GAS2: variants seen among roughly 807,000 people sequenced by gnomAD.
The protein encoded by GAS2 is growth arrest-specific protein 2.
Under a neutral mutation model 37.5 loss-of-function variants are expected in GAS2, and 20 were observed. The ratio of observed to expected loss-of-function variants is 0.53; its 90% CI spans 0.37 to 0.77. GAS2 has a LOEUF of 0.77. GAS2 is among the 30% of genes least tolerant of loss of function. The probability of loss-of-function intolerance (pLI) is 0.00; values close to 1 mark genes in which losing one functional copy is unlikely to be tolerated. For missense variants in GAS2, 336 were observed against 373.4 expected, an observed-to-expected ratio of 0.90 and a Z score of 0.82; for synonymous variants, 144 against 132.2, an observed-to-expected ratio of 1.09 and a Z score of -0.61.
intron 1 of GAS2, among the ~76,000 whole-genome samples, chr11:22,658,507 C>T (rs1324706357): frequency 3.3e-5 from 5 of 152,156 alleles, no homozygotes. Context: ...CAACTTCTTC[C>T]CATCTTTCCC....
intron 1 of GAS2, among the ~76,000 whole-genome samples, chr11:22,647,750 G>A (rs1256036055): frequency 1.6e-4 from 25 of 152,116 alleles, no homozygotes; most frequent in African/African-American, 2.9e-4. Context: ...CATGTCCTTC[G>A]CCCACTTTTT....
intron 7 of GAS2, among the ~76,000 whole-genome samples, chr11:22,765,636 T>C (rs1206285337): frequency 2.6e-5 from 4 of 151,718 alleles, no homozygotes; most frequent in Non-Finnish European, 5.9e-5. Context: ...AAAATTAGCC[T>C]GGCGTGGTGG....
At chr11:22,775,184 G>GAGA (rs1254733285) in intron 7 of GAS2, among the ~76,000 whole-genome samples, 1 of 152,170 alleles carries the variant, frequency 6.6e-6, no homozygotes, top group Non-Finnish European at 1.5e-5. Flanking sequence ...TTTAGACGAG[G>GAGA]AGAAACATGA....
At chr11:22,671,871 G>A (rs1849216254) in intron 1 of GAS2, among the ~76,000 whole-genome samples, 1 of 152,078 alleles carries the variant, frequency 6.6e-6, no homozygotes, top group Admixed American at 6.5e-5. Flanking sequence ...CATGCTAGCT[G>A]AATCCATTTT....
chr11:22,678,231 A>G (rs563299135), intron 2 of GAS2, among the ~76,000 whole-genome samples: 3 of 152,282 alleles, frequency 2.0e-5, no homozygotes, highest in South Asian at 4.1e-4. Context: ...AGAAAAATGC[A>G]TTGTGTGCTA....
At chr11:22,686,677 G>A (rs541531893) in intron 3 of GAS2, among the ~76,000 whole-genome samples, 4 of 151,302 alleles carry the variant, frequency 2.6e-5, no homozygotes. Flanking sequence ...TTGAACCCAG[G>A]AAGTAAAGGT....
chr11:22,762,831 G>A (rs1050680632), intron 7 of GAS2, among the ~76,000 whole-genome samples: 14 of 152,104 alleles, frequency 9.2e-5, no homozygotes, highest in Non-Finnish European at 1.8e-4. Context: ...AAGACATATT[G>A]CTATCTGTCC....
chr11:22,691,943 G>A lies in GAS2; in HGVS notation c.267+6154G>A, dbSNP rs555221957. The stretch of plus-strand genomic sequence containing the variant: ...TATTCACCTCCAAATCAGAGACAAT[G>A]AAATGTCTTGCTTAATGTTTTTTGT... On this transcript the variant is annotated intron_variant, in intron 3 of 7. Transcript: ENST00000454584. Among the ~76,000 whole-genome samples, 18 of 152,230 alleles carry A rather than the reference G, an allele frequency of 1.2e-4. No individual in the cohort carries two copies. The South Asian group carries it at 3.7e-3, about 32-fold the overall frequency.
chr11:22,784,075 T>C (rs1271038470), intron 7 of GAS2, among the ~76,000 whole-genome samples: 1 of 152,132 alleles, frequency 6.6e-6, no homozygotes, highest in Non-Finnish European at 1.5e-5. Context: ...AGTTGGGTAA[T>C]ATGGTTCCTC....
At chr11:22,675,958 G>A (rs1849408131) in intron 2 of GAS2, among the ~76,000 whole-genome samples, 1 of 151,992 alleles carries the variant, frequency 6.6e-6, no homozygotes, top group Non-Finnish European at 1.5e-5. Context: ...ATTTTATCAG[G>A]GTTTTGCTTG....
At chr11:22,634,451 A>T (rs1172810650) in intron 1 of GAS2, among the ~76,000 whole-genome samples, 1 of 152,182 alleles carries the variant, frequency 6.6e-6, no homozygotes, top group Middle Eastern at 3.2e-3. Context: ...GTAGAGGCAC[A>T]AACTTTCTCC....
At chr11:22,701,249 T>A (rs899777468) in intron 3 of GAS2, among the ~76,000 whole-genome samples, 2 of 152,168 alleles carry the variant, frequency 1.3e-5, no homozygotes, top group Non-Finnish European at 2.9e-5. Context: ...TATCAATCTT[T>A]TATAATATTG....
intron 1 of GAS2, among the ~76,000 whole-genome samples, chr11:22,651,125 A>G (rs1259173905): frequency 1.3e-5 from 2 of 151,590 alleles, no homozygotes; most frequent in African/African-American, 4.8e-5. Context: ...TGGTGACAAA[A>G]TCTCTCAGCA....
At chr11:22,669,163 A>G (rs866820289) in intron 1 of GAS2, among the ~76,000 whole-genome samples, 4 of 152,236 alleles carry the variant, frequency 2.6e-5, no homozygotes, top group South Asian at 4.1e-4. Context: ...TAACTAAAAC[A>G]GAAATCTTTA....
intron 3 of GAS2, among the ~76,000 whole-genome samples, chr11:22,706,658 A>G (rs867548042): frequency 5.9e-5 from 9 of 152,352 alleles, no homozygotes; most frequent in African/African-American, 2.2e-4. Flanking sequence ...TACAAAGGAC[A>G]TGAACTCATC....
intron 5 of GAS2, among the ~76,000 whole-genome samples, chr11:22,744,381 C>G (rs1318167519): frequency 6.6e-6 from 1 of 152,010 alleles, no homozygotes; most frequent in Non-Finnish European, 1.5e-5. Flanking sequence ...CTGCTGAACA[C>G]AGGTGCAAAA....
chr11:22,631,596 A>G (rs1457662767), intron 1 of GAS2, among the ~76,000 whole-genome samples: 1 of 152,020 alleles, frequency 6.6e-6, no homozygotes, highest in African/African-American at 2.4e-5. Flanking sequence ...CTATTGCTTT[A>G]ATTCTGTTTG....
intron 1 of GAS2, among the ~76,000 whole-genome samples, chr11:22,630,096 G>A (rs1049438235): frequency 4.6e-5 from 7 of 151,868 alleles, no homozygotes; most frequent in Middle Eastern, 3.2e-3. Context: ...TGTGCACAAT[G>A]TGCAGGTTTG....
intron 6 of GAS2, among the ~76,000 whole-genome samples, chr11:22,750,018 T>TA (rs558681304): frequency 1.8e-4 from 28 of 151,922 alleles, no homozygotes; most frequent in Non-Finnish European, 3.1e-4. Context: ...AGTGCAAATA[T>TA]AAAAAAAATT....
Sources: allele counts gnomAD v4.1 joint callset (sites outside exome capture counted in the v4.1 genomes callset), GRCh38; gene constraint gnomAD v4.1.1; transcripts MANE v1.5; gene names NCBI Gene and HGNC (gene_info 2026-07-23, HGNC 2026-07-21).